The following PDE3A variants were observed in gnomAD, a reference collection of about 807,000 sequenced individuals.
PDE3A encodes phosphodiesterase 3A, also known as cGMP-inhibited 3',5'-cyclic phosphodiesterase 3A.
In PDE3A, 43 loss-of-function variants were observed where a neutral mutation model predicts 98.3. That is an observed-to-expected ratio of 0.44 (90% CI 0.34 to 0.56). The LOEUF is 0.56. PDE3A is among the 20% of genes least tolerant of loss of function. PDE3A has a pLI of 0.01. For missense variants in PDE3A, 1,427 were observed against 1,440.7 expected, an observed-to-expected ratio of 0.99 and a Z score of 0.15; for synonymous variants, 663 against 567.9, an observed-to-expected ratio of 1.17 and a Z score of -2.38.
At chr12:20,511,417 T>TACACACACAC (rs71884926) in intron 1 of PDE3A, among the ~76,000 whole-genome samples, 118 of 147,996 alleles carry the variant, frequency 8.0e-4, no homozygotes, top group Admixed American at 3.2e-3. Context: ...AGTGCTCAAA[T>TACACACACAC]ACACACACAC....
At chr12:20,540,744 G>T (rs1051740413) in intron 1 of PDE3A, among the ~76,000 whole-genome samples, 1 of 151,956 alleles carries the variant, frequency 6.6e-6, no homozygotes, top group Non-Finnish European at 1.5e-5. Flanking sequence ...GGAAACTAAA[G>T]AATTTTTCTG....
chr12:20,475,030 T>G (rs74738135), intron 1 of PDE3A, among the ~76,000 whole-genome samples: 11,075 of 152,080 alleles, frequency 0.073, 866 homozygotes, highest in African/African-American at 0.2. Flanking sequence ...GAGGCCAGAT[T>G]AGCCCAATTT....
chr12:20,407,834 T>C (rs1330175771), intron 1 of PDE3A, among the ~76,000 whole-genome samples: 1 of 151,596 alleles, frequency 6.6e-6, no homozygotes, highest in East Asian at 1.9e-4. Flanking sequence ...AACTAGTGTG[T>C]AAAAATTAAT....
chr12:20,667,442 A>G (rs1352373503), intron 15 of PDE3A, among the ~76,000 whole-genome samples: 3 of 152,058 alleles, frequency 2.0e-5, no homozygotes, highest in Non-Finnish European at 4.4e-5. Context: ...TCTTGAGTTG[A>G]TTTTTGTATA....
At position 20,650,477 on chromosome 12, in the gene PDE3A, T is replaced by C; in HGVS notation, c.2802T>C (p.Asn934=). Residue 934 remains asparagine, a synonymous_variant, in exon 14 of 16, where the codon AAT becomes AAC. Coordinates refer to ENST00000359062, the MANE Select transcript of PDE3A (RefSeq NM_000921.5). ...VNDDVGIDWT[N]ENDRLLVCQM... is the part of the protein sequence containing the mutation. Reference sequence around the variant, plus strand: ...ATGATGTTGGAATAGATTGGACCAATGAAAATGATCGTCTACTGGTTTGTC... The same window carrying C: ...ATGATGTTGGAATAGATTGGACCAACGAAAATGATCGTCTACTGGTTTGTC... 1.2e-6 allele frequency: 2 copies of C among 1,610,670 alleles called. No homozygotes were observed. Among genetic ancestry groups the C allele is most frequent in the African/African-American group, 1.3e-5 (1 of 74,972 alleles).
In PDE3A at chr12:20,687,929, A is replaced by AAC. The variant is rs1417789667; in HGVS notation, c.*7659_*7660insCA. Among the ~76,000 whole-genome samples the AAC allele has an allele frequency of 3.3e-5, 5 of 150,810 alleles. No homozygotes were observed. Among genetic ancestry groups the AAC allele is most frequent in the Non-Finnish European group, 4.4e-5 (3 of 67,554 alleles). On this transcript the variant is annotated 3_prime_UTR_variant, in exon 16 of 16. Coordinates refer to ENST00000359062, the MANE Select transcript of PDE3A (RefSeq NM_000921.5). ...CTTCCCAACAGAAAAAAAAAAAAAA[A>AAC]AAAAAAAACTGGCATTGGCAAGTTT...
chr12:20,448,755 T>TTTTTTTG (rs1227576030), intron 1 of PDE3A, among the ~76,000 whole-genome samples: 2 of 149,376 alleles, frequency 1.3e-5, no homozygotes, highest in Non-Finnish European at 3.0e-5. Context: ...TTTTAAGGTT[T>TTTTTTTG]TTTTTTTTTT....
At chr12:20,471,610 T>C (rs1945441512) in intron 1 of PDE3A, among the ~76,000 whole-genome samples, 1 of 152,170 alleles carries the variant, frequency 6.6e-6, no homozygotes, top group African/African-American at 2.4e-5. Context: ...ACCATCTTTT[T>C]TCTGTTGCCT....
chr12:20,616,479 C>A, intron 4 of PDE3A, 95 bp downstream of exon 4: 1 of 1,213,564 alleles, frequency 8.2e-7, no homozygotes, highest in Non-Finnish European at 1.2e-6. Flanking sequence ...TAACCAATTA[C>A]ATTTGGTTGG....
At chr12:20,635,181 G>A (rs781122939) in intron 8 of PDE3A, 125 bp downstream of exon 8, 19 of 797,848 alleles carry the variant, frequency 2.4e-5, no homozygotes, top group Admixed American at 1.1e-4. Flanking sequence ...AACATTTTGG[G>A]AGGACGAAGC....
At chr12:20,570,103 G>A (rs1014361943) in intron 2 of PDE3A, among the ~76,000 whole-genome samples, 4 of 151,948 alleles carry the variant, frequency 2.6e-5, no homozygotes, top group South Asian at 2.1e-4. Flanking sequence ...GCAAGAGAGG[G>A]AGAAAAATTG....
intron 2 of PDE3A, among the ~76,000 whole-genome samples, chr12:20,569,931 A>C (rs1315282053): frequency 6.6e-6 from 1 of 152,184 alleles, no homozygotes; most frequent in Non-Finnish European, 1.5e-5. Context: ...TAAATTCTGC[A>C]CTGGCCAGAT....
At chr12:20,499,672 T>C (rs1331163926) in intron 1 of PDE3A, among the ~76,000 whole-genome samples, 2 of 152,162 alleles carry the variant, frequency 1.3e-5, no homozygotes, top group African/African-American at 4.8e-5. Context: ...CCTTTACATA[T>C]ATTCAATTTT....
intron 2 of PDE3A, among the ~76,000 whole-genome samples, chr12:20,568,347 C>A (rs1942712991): frequency 1.3e-5 from 2 of 151,930 alleles, no homozygotes; most frequent in Non-Finnish European, 2.9e-5. Flanking sequence ...GAGTGAATTT[C>A]TGCCAATATT....
chr12:20,413,993 A>T (rs1450508435), intron 1 of PDE3A, among the ~76,000 whole-genome samples: 2 of 152,198 alleles, frequency 1.3e-5, no homozygotes, highest in Non-Finnish European at 2.9e-5. Context: ...AATAGCTTTC[A>T]GGTTTATACC....
chr12:20,644,540 G>A (rs1944725526), intron 10 of PDE3A, among the ~76,000 whole-genome samples: 2 of 152,050 alleles, frequency 1.3e-5, no homozygotes. Flanking sequence ...AGAGGTAAAA[G>A]CACACCTGTC....
At chr12:20,398,654 T>G (rs1944065266) in intron 1 of PDE3A, among the ~76,000 whole-genome samples, 1 of 152,074 alleles carries the variant, frequency 6.6e-6, no homozygotes, top group Non-Finnish European at 1.5e-5. Flanking sequence ...AATATATAAA[T>G]TAAATGAATG....
intron 2 of PDE3A, among the ~76,000 whole-genome samples, chr12:20,578,277 A>C (rs1032351978): frequency 1.3e-5 from 2 of 152,072 alleles, no homozygotes; most frequent in Non-Finnish European, 2.9e-5. Context: ...AACAGACCCC[A>C]GTTCTCAAAA....
chr12:20,440,734 A>G (rs190519568), intron 1 of PDE3A, among the ~76,000 whole-genome samples: 9 of 152,220 alleles, frequency 5.9e-5, no homozygotes, highest in East Asian at 1.9e-4. Context: ...AGTTTGTGAA[A>G]TCTTTATCCC....
Sources: gnomAD v4.1 joint callset for allele counts (sites outside exome capture counted in the v4.1 genomes callset) on GRCh38, gnomAD v4.1.1 for gene constraint, MANE v1.5 for transcripts, NCBI Gene and HGNC (gene_info 2026-07-23, HGNC 2026-07-21) for gene names.